SAMMSON: variants seen among roughly 807,000 people sequenced by gnomAD.
The protein encoded by SAMMSON is long intergenic non-protein coding RNA 1212.
intron 1 of SAMMSON, chr3:70,009,212 T>C (rs572859002): frequency 9.2e-5 from 14 of 152,322 alleles, no homozygotes; most frequent in Admixed American, 5.2e-4. Flanking sequence ...TCAGAAGGAA[T>C]GGTACCAGCT....
chr3:70,236,363 G>A (rs1373622857), intron 4 of SAMMSON, among the ~76,000 whole-genome samples: 1 of 151,962 alleles, frequency 6.6e-6, no homozygotes, highest in African/African-American at 2.4e-5. Context: ...TTCACTTCTT[G>A]TATATTTTAT....
At chr3:70,378,471 A>G (rs1703039017) in intron 9 of SAMMSON, among the ~76,000 whole-genome samples, 1 of 152,108 alleles carries the variant, frequency 6.6e-6, no homozygotes, top group African/African-American at 2.4e-5. Flanking sequence ...AAGGGTAAAA[A>G]CCTGTGGGTA....
intron 4 of SAMMSON, among the ~76,000 whole-genome samples, chr3:70,232,094 G>A (rs1035408443): frequency 3.3e-5 from 5 of 152,124 alleles, no homozygotes; most frequent in African/African-American, 1.2e-4. Context: ...TGCTTTCCAA[G>A]TGCTGAGGCT....
chr3:70,419,021 C>T (rs1449150251), intron 2 of SAMMSON, among the ~76,000 whole-genome samples: 1 of 131,220 alleles, frequency 7.6e-6, no homozygotes, highest in Admixed American at 8.5e-5. Flanking sequence ...TTCTTTCCTT[C>T]TTTCTTTCTT....
intron 4 of SAMMSON, among the ~76,000 whole-genome samples, chr3:70,217,154 C>T (rs1307451951): frequency 6.6e-6 from 1 of 152,056 alleles, no homozygotes. Context: ...TGTCAATTAA[C>T]TGCTATATCC....
At chr3:70,416,887 T>A (rs1481748755) in intron 2 of SAMMSON, among the ~76,000 whole-genome samples, 2 of 152,190 alleles carry the variant, frequency 1.3e-5, no homozygotes, top group Non-Finnish European at 2.9e-5. Context: ...TTTTTCACTG[T>A]CCCTGGAGTA....
intron 7 of SAMMSON, among the ~76,000 whole-genome samples, chr3:70,332,286 A>C (rs1158627625): frequency 1.3e-5 from 2 of 152,228 alleles, no homozygotes; most frequent in East Asian, 3.9e-4. Context: ...TCACATAAAC[A>C]GGCTGACTGT....
chr3:70,105,681 A>G (rs2067364421), intron 4 of SAMMSON, among the ~76,000 whole-genome samples: 1 of 152,242 alleles, frequency 6.6e-6, no homozygotes, highest in Non-Finnish European at 1.5e-5. Flanking sequence ...GCAAGTGCAC[A>G]AAATGAAAAA....
chr3:70,243,979 C>T (rs1701682689), intron 4 of SAMMSON, among the ~76,000 whole-genome samples: 3 of 152,132 alleles, frequency 2.0e-5, no homozygotes, highest in Admixed American at 6.6e-5. Context: ...TGCTAATTAT[C>T]TCCTCACCCT....
intron 7 of SAMMSON, among the ~76,000 whole-genome samples, chr3:70,353,164 A>G (rs1386654083): frequency 6.6e-6 from 1 of 152,022 alleles, no homozygotes; most frequent in Non-Finnish European, 1.5e-5. Flanking sequence ...CATCAAAATC[A>G]TGATTTATAA....
chr3:70,380,574 G>A (rs1480072270), intron 9 of SAMMSON, among the ~76,000 whole-genome samples: 3 of 151,534 alleles, frequency 2.0e-5, no homozygotes, highest in Non-Finnish European at 2.9e-5. Flanking sequence ...TAAGTTTTAG[G>A]GTACATGTGC....
intron 9 of SAMMSON, among the ~76,000 whole-genome samples, chr3:70,371,870 G>A (rs913201124): frequency 6.6e-6 from 1 of 152,096 alleles, no homozygotes; most frequent in Admixed American, 6.5e-5. Flanking sequence ...CCAGTACTAG[G>A]TTAAATAAGA....
intron 3 of SAMMSON, among the ~76,000 whole-genome samples, chr3:70,030,113 A>G (rs752043792): frequency 6.6e-6 from 1 of 152,186 alleles, no homozygotes; most frequent in African/African-American, 2.4e-5. Flanking sequence ...TTGGTTTAAT[A>G]TTTTTGCCAA....
chr3:70,254,540 C>T (rs1046602678), intron 6 of SAMMSON, among the ~76,000 whole-genome samples: 1 of 152,092 alleles, frequency 6.6e-6, no homozygotes, highest in Non-Finnish European at 1.5e-5. Context: ...GCTTTTGGAA[C>T]AATAAATACA....
intron 6 of SAMMSON, among the ~76,000 whole-genome samples, chr3:70,272,725 G>C (rs1701986477): frequency 6.6e-6 from 1 of 152,174 alleles, no homozygotes; most frequent in African/African-American, 2.4e-5. Flanking sequence ...TGCATTGCTG[G>C]AATGTACAAA....
intron 3 of SAMMSON, among the ~76,000 whole-genome samples, chr3:70,044,281 A>G (rs1267171435): frequency 6.6e-6 from 1 of 152,000 alleles, no homozygotes; most frequent in Non-Finnish European, 1.5e-5. Context: ...TCACTGGAAA[A>G]TCTTCCTAGT....
chr3:70,151,299 C>A (rs7431658), intron 4 of SAMMSON, among the ~76,000 whole-genome samples: 1 of 151,750 alleles, frequency 6.6e-6, no homozygotes, highest in Non-Finnish European at 1.5e-5. Flanking sequence ...AGGATGGTGT[C>A]GGGGTGTTCA....
intron 3 of SAMMSON, among the ~76,000 whole-genome samples, chr3:70,019,046 A>T (rs1399077333): frequency 6.6e-6 from 1 of 152,278 alleles, no homozygotes; most frequent in African/African-American, 2.4e-5. Flanking sequence ...TGCTGAGAAG[A>T]ATGTATATTC....
chr3:70,329,640 A>G (rs913491852), intron 7 of SAMMSON, among the ~76,000 whole-genome samples: 2 of 152,060 alleles, frequency 1.3e-5, no homozygotes, highest in Non-Finnish European at 2.9e-5. Context: ...AAACACTACC[A>G]GAGAAAAATG....
Sources: gnomAD v4.1 joint callset for allele counts (sites outside exome capture counted in the v4.1 genomes callset) on GRCh38, gnomAD v4.1.1 for gene constraint, MANE v1.5 for transcripts, NCBI Gene and HGNC (gene_info 2026-07-23, HGNC 2026-07-21) for gene names.